PIK3C2G: variants seen among roughly 807,000 people sequenced by gnomAD.
The protein encoded by PIK3C2G is phosphatidylinositol 3-kinase C2 domain-containing subunit gamma.
PIK3C2G carries 168 observed loss-of-function variants against 181.1 expected under a neutral mutation model. The observed-to-expected ratio is 0.93, with a 90% CI of 0.82 to 1.05. The LOEUF (loss-of-function observed/expected upper bound fraction) is 1.05, where lower values mean the gene tolerates loss of function less well. Among genes scored for constraint, PIK3C2G ranks in the 50% least tolerant of loss-of-function variants. PIK3C2G has a pLI of 0.00. For synonymous variants in PIK3C2G, 573 were observed against 592.2 expected (o/e 0.97, Z 0.47); for missense variants, 1,869 against 1,732.8 (o/e 1.08, Z -1.40).
At chr12:18,591,868 G>A (rs1329268974) in intron 29 of PIK3C2G, among the ~76,000 whole-genome samples, 3 of 151,874 alleles carry the variant, frequency 2.0e-5, no homozygotes, top group Non-Finnish European at 2.9e-5. Flanking sequence ...GAGAATTGAT[G>A]ATGTTGGAAC....
Position 18,282,312 on chromosome 12 carries a change from A to T in PIK3C2G, c.231A>T (p.Ser77=). 2 of 1,613,624 alleles carry T rather than the reference A, an allele frequency of 1.2e-6. No homozygotes were observed. The highest frequency in any genetic ancestry group is 1.7e-6 in the Non-Finnish European group (2 of 1,179,584). Residue 77 remains serine, a synonymous_variant, in exon 2 of 33, where the codon TCA becomes TCT. Coordinates refer to ENST00000538779, the MANE Select transcript of PIK3C2G (RefSeq NM_001288772.2). ...TAPKWDSTGH[S]LNEAHQISLN... ...CAAAATGGGACTCAACAGGGCATTC[A>T]TTAAATGAAGCACACCAAATATCCT...
chr12:18,403,971 C>A (rs1944387153), intron 16 of PIK3C2G, among the ~76,000 whole-genome samples: 1 of 152,208 alleles, frequency 6.6e-6, no homozygotes, highest in South Asian at 2.1e-4. Flanking sequence ...AAAATAGCAA[C>A]TTTGAATTGG....
In PIK3C2G at chr12:18,271,797, T is replaced by C. The variant is rs548395820; in HGVS notation, c.-78-10207T>C. The stretch of plus-strand genomic sequence containing the variant: ...GTCACCTCAATTCAAGACCCACATG[T>C]AATAACTGCTTATTCGGCATCTTCA... On this transcript the variant is annotated intron_variant, in intron 1 of 32. Coordinates refer to ENST00000538779, the MANE Select transcript of PIK3C2G (RefSeq NM_001288772.2). Among the ~76,000 whole-genome samples, 26 of 152,338 alleles carry C rather than the reference T, an allele frequency of 1.7e-4. 1 individual carries two copies. The Middle Eastern group carries it at 0.01, about 60-fold the overall frequency.
intron 18 of PIK3C2G, among the ~76,000 whole-genome samples, chr12:18,437,990 G>T (rs1946538823): frequency 6.6e-6 from 1 of 151,880 alleles, no homozygotes; most frequent in Admixed American, 6.6e-5. Flanking sequence ...AACGCTTGCA[G>T]AGGAAATAGA....
At chr12:18,460,626 A>G (rs926660968) in intron 18 of PIK3C2G, among the ~76,000 whole-genome samples, 14 of 132,418 alleles carry the variant, frequency 1.1e-4, no homozygotes, top group Non-Finnish European at 1.9e-4. Flanking sequence ...TCATATTCAT[A>G]TATATATATA....
chr12:18,449,230 C>A (rs908570805), intron 18 of PIK3C2G, among the ~76,000 whole-genome samples: 1 of 152,038 alleles, frequency 6.6e-6, no homozygotes, highest in Non-Finnish European at 1.5e-5. Context: ...CAGTACCATA[C>A]TGCTTTGATC....
chr12:18,583,949 C>T (rs922793089), intron 29 of PIK3C2G, among the ~76,000 whole-genome samples: 1 of 151,962 alleles, frequency 6.6e-6, no homozygotes, highest in Non-Finnish European at 1.5e-5. Flanking sequence ...CAGCAAAACC[C>T]AACCCATAAG....
At chr12:18,586,282 G>T (rs1015552119) in intron 29 of PIK3C2G, among the ~76,000 whole-genome samples, 3 of 152,036 alleles carry the variant, frequency 2.0e-5, no homozygotes, top group African/African-American at 7.2e-5. Flanking sequence ...AATCAATCTA[G>T]GAGTTAATTT....
chr12:18,386,542 A>C (rs774188690), intron 14 of PIK3C2G, among the ~76,000 whole-genome samples: 1 of 152,152 alleles, frequency 6.6e-6, no homozygotes, highest in African/African-American at 2.4e-5. Context: ...ACAATGTGTG[A>C]TCTTATTTGT....
At chr12:18,490,144 G>A (rs1592390633) in intron 19 of PIK3C2G, among the ~76,000 whole-genome samples, 1 of 152,100 alleles carries the variant, frequency 6.6e-6, no homozygotes, top group Admixed American at 6.6e-5. Context: ...TAAATGAAGG[G>A]AGCAGAGATT....
the PIK3C2G span, chr12:18,712,921 A>G: frequency 6.2e-7 from 1 of 1,613,976 alleles, no homozygotes; most frequent in Middle Eastern, 1.7e-4. Flanking sequence ...ATGATATACA[A>G]CAGGTTCATT....
intron 16 of PIK3C2G, 125 bp from the exon 17 acceptor site, chr12:18,420,816 C>T (rs749559318): frequency 1.0e-5 from 6 of 571,652 alleles, no homozygotes; most frequent in South Asian, 2.4e-5. Flanking sequence ...TTACCTTAAT[C>T]GATTGTGGGA....
chr12:18,493,647 G>C (rs1940767785), intron 20 of PIK3C2G: 1 of 152,258 alleles, frequency 6.6e-6, no homozygotes, highest in Admixed American at 6.5e-5. Context: ...TAGTTCACAA[G>C]TGATTGTGCA....
At chr12:18,304,268 T>G (rs1950327350) in intron 5 of PIK3C2G, among the ~76,000 whole-genome samples, 1 of 152,228 alleles carries the variant, frequency 6.6e-6, no homozygotes, top group African/African-American at 2.4e-5. Flanking sequence ...TTTGTTCATT[T>G]TTTTTGAGAT....
chr12:18,473,899 A>AACTGAGCATGTTGGCT (rs75141286), intron 18 of PIK3C2G, among the ~76,000 whole-genome samples: 3 of 152,054 alleles, frequency 2.0e-5, no homozygotes, highest in African/African-American at 7.3e-5. Context: ...GTTTTTGGCA[A>AACTGAGCATGTTGGCT]AAACAGTATA....
chr12:18,343,006 A>G lies in PIK3C2G; in HGVS notation c.1396-321A>G, dbSNP rs1292823697. Among the ~76,000 whole-genome samples the G allele has an allele frequency of 2.6e-5, 4 of 152,104 alleles. No homozygotes were observed. In the South Asian group the frequency reaches 6.2e-4, roughly 24 times the overall value. On this transcript the variant is annotated intron_variant, in intron 9 of 32. Transcript: ENST00000538779. ...AATAAGAGCTGGACACGGCATACAG[A>G]GAGAATTAGAAATGCACTTTTATCA...
At chr12:18,615,170 T>C (rs1410557502) in intron 31 of PIK3C2G, among the ~76,000 whole-genome samples, 2 of 151,994 alleles carry the variant, frequency 1.3e-5, no homozygotes, top group Admixed American at 6.6e-5. Context: ...TTATTATTCC[T>C]TTGTGTCCTC....
intron 18 of PIK3C2G, among the ~76,000 whole-genome samples, chr12:18,454,958 G>A (rs1013960205): frequency 6.6e-6 from 1 of 152,108 alleles, no homozygotes; most frequent in Non-Finnish European, 1.5e-5. Flanking sequence ...CTCTCCTCCA[G>A]GGTTTTTCTC....
At chr12:18,423,887 C>G in intron 17 of PIK3C2G, 58 bp from the exon 18 acceptor site, 1 of 1,015,622 alleles carries the variant, frequency 9.8e-7, no homozygotes, top group Non-Finnish European at 1.5e-6. Context: ...TGAAGTCCCT[C>G]TGTATTCTGC....
Sources: gnomAD v4.1 joint callset for allele counts (sites outside exome capture counted in the v4.1 genomes callset) on GRCh38, gnomAD v4.1.1 for gene constraint, MANE v1.5 for transcripts, NCBI Gene and HGNC (gene_info 2026-07-23, HGNC 2026-07-21) for gene names.